The following ZFHX3 variants were observed in gnomAD, a reference collection of about 807,000 sequenced individuals.
ZFHX3 encodes zinc finger homeobox 3, also known as zinc finger homeobox protein 3.
A neutral mutation model predicts 279.1 loss-of-function variants in ZFHX3; 42 were observed. That is an observed-to-expected ratio of 0.15 (90% CI 0.12 to 0.19). ZFHX3 has a LOEUF of 0.19. Ranked by LOEUF, ZFHX3 falls within the 10% of genes least tolerant of loss-of-function variation. ZFHX3 has a pLI of 1.00. For missense variants in ZFHX3, 4,981 were observed against 4,754.0 expected, an observed-to-expected ratio of 1.05 and a Z score of -1.40; for synonymous variants, 2,293 against 1,957.8, an observed-to-expected ratio of 1.17 and a Z score of -4.52.
At chr16:72,844,127 T>C (rs1299029761) in intron 4 of ZFHX3, among the ~76,000 whole-genome samples, 1 of 152,206 alleles carries the variant, frequency 6.6e-6, no homozygotes, top group Non-Finnish European at 1.5e-5. Flanking sequence ...TCATCATCGA[T>C]ATTCTGGATC....
chr16:73,886,757 A>G (rs1285952303), intron 1 of ZFHX3, among the ~76,000 whole-genome samples: 2 of 152,304 alleles, frequency 1.3e-5, no homozygotes, highest in East Asian at 3.9e-4. Flanking sequence ...AAAATCAGGG[A>G]GATGTATGGG....
At chr16:73,631,446 T>C (rs1380913102) in intron 2 of ZFHX3, among the ~76,000 whole-genome samples, 3 of 152,236 alleles carry the variant, frequency 2.0e-5, no homozygotes, top group Non-Finnish European at 4.4e-5. Context: ...TATCTTTTCA[T>C]CAATATGTCA....
intron 1 of ZFHX3, among the ~76,000 whole-genome samples, chr16:73,876,084 A>G (rs528809970): frequency 6.6e-6 from 1 of 152,296 alleles, no homozygotes; most frequent in African/African-American, 2.4e-5. Flanking sequence ...TTTTAAAAGG[A>G]GCTAAAGCCA....
intron 1 of ZFHX3, among the ~76,000 whole-genome samples, chr16:73,736,501 G>A (rs1401272740): frequency 6.6e-6 from 1 of 152,156 alleles, no homozygotes; most frequent in African/African-American, 2.4e-5. Flanking sequence ...GAATTTCATA[G>A]CCACTTTGAT....
chr16:72,900,938 CT>C (rs1024748716), intron 3 of ZFHX3, among the ~76,000 whole-genome samples: 10 of 152,216 alleles, frequency 6.6e-5, no homozygotes, highest in Admixed American at 5.9e-4. Flanking sequence ...CTGCACTTGG[CT>C]TTTCCCAAAG....
intron 1 of ZFHX3, among the ~76,000 whole-genome samples, chr16:72,986,590 G>A (rs1352474683): frequency 6.6e-6 from 1 of 152,054 alleles, no homozygotes; most frequent in East Asian, 1.9e-4. Flanking sequence ...ACTCCTTCTT[G>A]GTCACAGACA....
chr16:73,735,382 T>TAAAA (rs1310717929), intron 1 of ZFHX3, among the ~76,000 whole-genome samples: 2 of 102,272 alleles, frequency 2.0e-5, no homozygotes, highest in Non-Finnish European at 4.1e-5. Context: ...TGTGTGCTTC[T>TAAAA]AAAAAAAAAA....
intron 3 of ZFHX3, among the ~76,000 whole-genome samples, chr16:73,359,215 G>T (rs1315747803): frequency 2.0e-5 from 3 of 147,954 alleles, no homozygotes; most frequent in Non-Finnish European, 4.4e-5. Context: ...AAAAGGGATA[G>T]ACTCCCCTGG....
chr16:73,116,003 C>T (rs1966428381), intron 7 of ZFHX3, among the ~76,000 whole-genome samples: 1 of 152,032 alleles, frequency 6.6e-6, no homozygotes. Flanking sequence ...GCCTGTAATC[C>T]CAGCTACTCA....
At chr16:73,462,851 A>T (rs1410137492) in intron 2 of ZFHX3, among the ~76,000 whole-genome samples, 1 of 152,164 alleles carries the variant, frequency 6.6e-6, no homozygotes, top group Non-Finnish European at 1.5e-5. Context: ...CTCTATGTTC[A>T]TGGGGCATAC....
At chr16:73,849,405 CAATGTGTT>C (rs1961537289) in intron 1 of ZFHX3, among the ~76,000 whole-genome samples, 1 of 152,110 alleles carries the variant, frequency 6.6e-6, no homozygotes, top group African/African-American at 2.4e-5. Flanking sequence ...CTCTAATAGC[CAATGTGTT>C]AGTTCTCTCC....
At chr16:73,503,173 G>T (rs976768899) in intron 2 of ZFHX3, among the ~76,000 whole-genome samples, 1 of 152,150 alleles carries the variant, frequency 6.6e-6, no homozygotes, top group Admixed American at 6.5e-5. Flanking sequence ...TTTCATCTCC[G>T]AGGTGTTTGT....
intron 8 of ZFHX3, among the ~76,000 whole-genome samples, chr16:73,068,298 C>T (rs950182219): frequency 1.3e-5 from 2 of 152,096 alleles, no homozygotes; most frequent in Non-Finnish European, 2.9e-5. Context: ...AATCAGGGGA[C>T]CCAAGGGATG....
Position 73,784,774 on chromosome 16 carries a change from T to C in ZFHX3, c.-1607-104534A>G, listed in dbSNP as rs895811126. ...AATTAAAAAAATTTTTAAAAAACTA[T>C]TTTTAACAAAATAAAAAAAAAAATA... On this transcript the variant is annotated intron_variant, in intron 1 of 17. Transcript: ENST00000641206. Among the ~76,000 whole-genome samples, 10 of 114,486 alleles carry C rather than the reference T, an allele frequency of 8.7e-5. No individual in the cohort carries two copies. In the East Asian group the frequency reaches 2.1e-3, roughly 24 times the overall value. The allele number at this position is 114,486 out of a possible 152,430, so 75.1% of individuals were successfully genotyped here.
At chr16:73,371,205 G>A (rs1464858422) in intron 3 of ZFHX3, among the ~76,000 whole-genome samples, 1 of 151,662 alleles carries the variant, frequency 6.6e-6, no homozygotes, top group African/African-American at 2.4e-5. Context: ...TACTCGAGAG[G>A]CTGAGGCAGG....
intron 5 of ZFHX3, among the ~76,000 whole-genome samples, chr16:73,187,701 G>A (rs1967944871): frequency 6.6e-6 from 1 of 152,182 alleles, no homozygotes; most frequent in Non-Finnish European, 1.5e-5. Context: ...ACAGCGATTT[G>A]CCCTCTTTGG....
At chr16:73,468,381 C>T (rs941657348) in intron 2 of ZFHX3, among the ~76,000 whole-genome samples, 14 of 152,214 alleles carry the variant, frequency 9.2e-5, no homozygotes, top group East Asian at 5.8e-4. Flanking sequence ...CACATCTTCA[C>T]ACCCAGCTGC....
intron 4 of ZFHX3, among the ~76,000 whole-genome samples, chr16:73,269,492 T>A (rs952029595): frequency 1.3e-5 from 2 of 152,224 alleles, no homozygotes; most frequent in Admixed American, 1.3e-4. Flanking sequence ...CCCTTGTGTA[T>A]CAGCAGTTTG....
At chr16:73,093,008 T>A in intron 8 of ZFHX3, 1 of 520,136 alleles carries the variant, frequency 1.9e-6, no homozygotes, top group Non-Finnish European at 3.8e-6. Flanking sequence ...CTCCTTTTTC[T>A]TCGGGCCCTT....
Sources: gnomAD v4.1 joint callset for allele counts (sites outside exome capture counted in the v4.1 genomes callset) on GRCh38, gnomAD v4.1.1 for gene constraint, MANE v1.5 for transcripts, NCBI Gene and HGNC (gene_info 2026-07-23, HGNC 2026-07-21) for gene names.